Variants in CORO2B observed in about 807,000 individuals in gnomAD.
CORO2B encodes the protein coronin 2B, also known as coronin-2B.
CORO2B carries 26 observed loss-of-function variants against 58.8 expected under a neutral mutation model. The ratio of observed to expected loss-of-function variants is 0.44; its 90% CI spans 0.32 to 0.61. The LOEUF (loss-of-function observed/expected upper bound fraction) is 0.61, where lower values mean the gene tolerates loss of function less well. CORO2B is among the 20% of genes least tolerant of loss of function. The pLI, the probability that CORO2B is intolerant of heterozygous loss-of-function variation, is 0.04. For synonymous variants in CORO2B, 242 were observed against 253.8 expected, an observed-to-expected ratio of 0.95 and a Z score of 0.44; for missense variants, 460 against 645.1, an observed-to-expected ratio of 0.71 and a Z score of 3.11.
At chr15:68,544,981 T>A in the CORO2B span, among the ~76,000 whole-genome samples, 3 of 152,164 alleles carry the variant, frequency 2.0e-5, no homozygotes, top group Non-Finnish European at 2.9e-5. Flanking sequence ...TTCACCGTGT[T>A]AGCCAGGATG....
At chr15:68,546,956 T>C in the CORO2B span, among the ~76,000 whole-genome samples, 1 of 152,184 alleles carries the variant, frequency 6.6e-6, no homozygotes, top group Non-Finnish European at 1.5e-5. Flanking sequence ...GAAAAATAAA[T>C]TAATTTATGG....
the CORO2B span, among the ~76,000 whole-genome samples, chr15:68,523,954 A>C: frequency 6.6e-6 from 1 of 152,222 alleles, no homozygotes; most frequent in Non-Finnish European, 1.5e-5. Context: ...GGCTGGCCTC[A>C]GTGGCTCATG....
At chr15:68,658,164 C>T (rs1595994498) in intron 2 of CORO2B, among the ~76,000 whole-genome samples, 1 of 152,250 alleles carries the variant, frequency 6.6e-6, no homozygotes, top group African/African-American at 2.4e-5. Flanking sequence ...TCCAAGGTCT[C>T]GCCAGCTCTG....
the CORO2B span, among the ~76,000 whole-genome samples, chr15:68,526,874 G>T: frequency 1.6e-3 from 241 of 152,330 alleles, 1 homozygote; most frequent in African/African-American, 5.5e-3. Flanking sequence ...CTATGTTGAA[G>T]CTCTAACCTC....
chr15:68,667,429 C>T (rs553541638), intron 2 of CORO2B, among the ~76,000 whole-genome samples: 1 of 152,346 alleles, frequency 6.6e-6, no homozygotes, highest in Admixed American at 6.5e-5. Context: ...AGGCGATGGG[C>T]TCCTTGAGGC....
chr15:68,710,365 T>C lies in CORO2B; in HGVS notation c.334-367T>C, dbSNP rs537028820. ...AGAGTAGCAGGAAGGCAGAGTCTCC[T>C]AGAAGGATGTGGCATGTGAAGCAAG... On this transcript the variant is annotated intron_variant, in intron 3 of 11. Transcript: ENST00000261861. The surrounding 1 kb of genome is among the most constrained non-coding windows in gnomAD (Gnocchi z 4.1). Among the ~76,000 whole-genome samples, 2 of 152,348 alleles carry C rather than the reference T, an allele frequency of 1.3e-5. No homozygotes were observed. Among genetic ancestry groups the C allele is most frequent in the African/African-American group, 4.8e-5 (2 of 41,578 alleles).
intron 1 of CORO2B, among the ~76,000 whole-genome samples, chr15:68,582,263 T>C (rs1318205854): frequency 1.3e-5 from 2 of 152,310 alleles, no homozygotes; most frequent in East Asian, 3.9e-4. Flanking sequence ...TTTTAAACTT[T>C]ATTTGATTGT....
intron 2 of CORO2B, among the ~76,000 whole-genome samples, chr15:68,651,330 G>A (rs1033850892): frequency 2.0e-5 from 3 of 152,246 alleles, no homozygotes; most frequent in Admixed American, 1.3e-4. Flanking sequence ...AGGGGGTGCG[G>A]GGAGAGGGAG....
At chr15:68,646,867 C>A (rs539127645) in intron 2 of CORO2B, among the ~76,000 whole-genome samples, 1 of 152,154 alleles carries the variant, frequency 6.6e-6, no homozygotes, top group East Asian at 1.9e-4. Flanking sequence ...CTAACACATT[C>A]GGAAGGATCC....
intron 1 of CORO2B, among the ~76,000 whole-genome samples, chr15:68,581,334 C>G (rs1167623923): frequency 1.3e-5 from 2 of 152,214 alleles, no homozygotes; most frequent in African/African-American, 4.8e-5. Context: ...ATCTTCTCTC[C>G]CCTTGCTGGC....
chr15:68,541,498 C>T, the CORO2B span, among the ~76,000 whole-genome samples: 1 of 152,064 alleles, frequency 6.6e-6, no homozygotes, highest in Non-Finnish European at 1.5e-5. Flanking sequence ...CATCATACAA[C>T]ACAAGGTGAT....
chr15:68,670,546 A>G (rs1902357899), intron 2 of CORO2B, among the ~76,000 whole-genome samples: 1 of 152,220 alleles, frequency 6.6e-6, no homozygotes, highest in Non-Finnish European at 1.5e-5. Flanking sequence ...AATGAATGTG[A>G]TAAGGAACTA....
chr15:68,642,712 A>G (rs1453211609), intron 1 of CORO2B, among the ~76,000 whole-genome samples: 2 of 152,142 alleles, frequency 1.3e-5, no homozygotes, highest in Non-Finnish European at 2.9e-5. Context: ...GGAAGAGGCT[A>G]GGACAAGCTC....
At chr15:68,519,418 T>G in the CORO2B span, among the ~76,000 whole-genome samples, 3 of 152,366 alleles carry the variant, frequency 2.0e-5, no homozygotes, top group Admixed American at 6.5e-5. Context: ...TCTATACTAT[T>G]AATTCTATTT....
intron 1 of CORO2B, among the ~76,000 whole-genome samples, chr15:68,627,266 T>A (rs1441862593): frequency 6.6e-6 from 1 of 152,224 alleles, no homozygotes; most frequent in African/African-American, 2.4e-5. Context: ...GATTCAGAAA[T>A]GACTAAGACA....
chr15:68,608,157 C>G (rs1373371059), intron 1 of CORO2B, among the ~76,000 whole-genome samples: 2 of 152,264 alleles, frequency 1.3e-5, no homozygotes, highest in African/African-American at 4.8e-5. Context: ...TTCCCTTGCA[C>G]TTAGGCAACC....
chr15:68,649,157 G>A (rs1901553112), intron 2 of CORO2B, among the ~76,000 whole-genome samples: 1 of 152,074 alleles, frequency 6.6e-6, no homozygotes, highest in Admixed American at 6.5e-5. Flanking sequence ...ATGGACAGCA[G>A]AAAAGAACGT....
At chr15:68,584,359 T>C (rs549317250) in intron 1 of CORO2B, among the ~76,000 whole-genome samples, 1 of 152,228 alleles carries the variant, frequency 6.6e-6, no homozygotes, top group South Asian at 2.1e-4. Context: ...CCTTGACACC[T>C]ATGGCAGTTC....
the CORO2B span, among the ~76,000 whole-genome samples, chr15:68,563,815 C>T: frequency 2.6e-5 from 4 of 151,970 alleles, no homozygotes; most frequent in East Asian, 3.9e-4. Context: ...CAAAAACTGA[C>T]GAAGAAACAG....
Sources: gnomAD v4.1 joint callset for allele counts (sites outside exome capture counted in the v4.1 genomes callset) on GRCh38, gnomAD v4.1.1 for gene constraint, Gnocchi (gnomAD v3.1) non-coding constraint, MANE v1.5 for transcripts, NCBI Gene and HGNC (gene_info 2026-07-23, HGNC 2026-07-21) for gene names.